CNTNAP2: variants seen among roughly 807,000 people sequenced by gnomAD.
CNTNAP2 encodes contactin-associated protein-like 2.
Under a neutral mutation model 155.2 loss-of-function variants are expected in CNTNAP2, and 98 were observed. The observed-to-expected ratio is 0.63, with a 90% confidence interval of 0.54 to 0.75. The LOEUF is 0.75. Among genes scored for constraint, CNTNAP2 ranks in the 30% least tolerant of loss-of-function variants. The probability of loss-of-function intolerance (pLI) is 0.00; values close to 1 mark genes in which losing one functional copy is unlikely to be tolerated. For synonymous variants in CNTNAP2, 651 were observed against 631.2 expected, an observed-to-expected ratio of 1.03 and a Z score of -0.47; for missense variants, 1,727 against 1,688.1, an observed-to-expected ratio of 1.02 and a Z score of -0.40.
intron 1 of CNTNAP2, among the ~76,000 whole-genome samples, chr7:146,182,273 A>C (rs952601445): frequency 6.6e-6 from 1 of 152,148 alleles, no homozygotes; most frequent in African/African-American, 2.4e-5. Flanking sequence ...TCTAGGTAGG[A>C]TACTTCACTA....
intron 3 of CNTNAP2, among the ~76,000 whole-genome samples, chr7:146,895,036 T>C (rs1795846890): frequency 6.6e-6 from 1 of 152,150 alleles, no homozygotes; most frequent in African/African-American, 2.4e-5. Context: ...TGGGATCCCA[T>C]CTACAGGGAC....
chr7:147,550,320 TG>T (rs1248410491), intron 11 of CNTNAP2, among the ~76,000 whole-genome samples: 2 of 152,178 alleles, frequency 1.3e-5, no homozygotes, highest in Non-Finnish European at 2.9e-5. Context: ...GATTGAATCA[TG>T]GGGTGGTTTC....
At chr7:146,494,286 A>G (rs1378689843) in intron 1 of CNTNAP2, among the ~76,000 whole-genome samples, 1 of 152,046 alleles carries the variant, frequency 6.6e-6, no homozygotes, top group Non-Finnish European at 1.5e-5. Flanking sequence ...GTGAGCAGAG[A>G]TCGCACCACT....
At chr7:147,860,151 G>T (rs1382498278) in intron 13 of CNTNAP2, among the ~76,000 whole-genome samples, 1 of 152,134 alleles carries the variant, frequency 6.6e-6, no homozygotes, top group African/African-American at 2.4e-5. Context: ...GAGACTGGGT[G>T]CAGTGGCTCA....
intron 8 of CNTNAP2, among the ~76,000 whole-genome samples, chr7:147,275,213 G>T (rs1325335809): frequency 6.6e-6 from 1 of 151,972 alleles, no homozygotes; most frequent in South Asian, 2.1e-4. Context: ...TTAGCAATTT[G>T]ATAGGAATTG....
At chr7:146,176,187 G>A (rs573183156) in intron 1 of CNTNAP2, among the ~76,000 whole-genome samples, 1 of 152,132 alleles carries the variant, frequency 6.6e-6, no homozygotes, top group East Asian at 1.9e-4. Flanking sequence ...TGCCCTGTAG[G>A]TATGGCATAT....
chr7:147,916,586 T>C (rs1047064221), intron 14 of CNTNAP2, among the ~76,000 whole-genome samples: 1 of 74,136 alleles, frequency 1.3e-5, no homozygotes, highest in South Asian at 4.8e-4. Context: ...AAGAGCTTTT[T>C]TTCTGAAAAA....
At chr7:147,558,562 G>A (rs1208083261) in intron 11 of CNTNAP2, among the ~76,000 whole-genome samples, 1 of 152,212 alleles carries the variant, frequency 6.6e-6, no homozygotes, top group African/African-American at 2.4e-5. Context: ...CACACATGCA[G>A]AATTTTGGAC....
chr7:146,679,666 T>C (rs1038441271), intron 1 of CNTNAP2, among the ~76,000 whole-genome samples: 1 of 152,122 alleles, frequency 6.6e-6, no homozygotes, highest in Admixed American at 6.5e-5. Flanking sequence ...ATCTTGTTTC[T>C]TTCTCTCCCT....
At chr7:146,188,304 C>A (rs542713292) in intron 1 of CNTNAP2, among the ~76,000 whole-genome samples, 4 of 152,092 alleles carry the variant, frequency 2.6e-5, no homozygotes, top group Admixed American at 6.6e-5. Flanking sequence ...ATTTTTGGAA[C>A]GTGAATTACC....
chr7:148,109,800 A>G (rs1674984726), intron 15 of CNTNAP2, among the ~76,000 whole-genome samples: 1 of 152,214 alleles, frequency 6.6e-6, no homozygotes, highest in African/African-American at 2.4e-5. Context: ...GCATTTATCT[A>G]AAGACATAAG....
chr7:147,068,996 G>C (rs10225201), intron 4 of CNTNAP2, among the ~76,000 whole-genome samples: 19,404 of 152,166 alleles, frequency 0.13, 1,496 homozygotes, highest in East Asian at 0.36. Context: ...ACTTTTACTC[G>C]TGGCAGAAGG....
intron 10 of CNTNAP2, among the ~76,000 whole-genome samples, chr7:147,408,792 A>C (rs754436011): frequency 9.9e-5 from 15 of 152,176 alleles, no homozygotes; most frequent in South Asian, 2.1e-4. Context: ...TTGCATTACT[A>C]GAAAGACTGT....
At chr7:146,667,952 G>A (rs1411305194) in intron 1 of CNTNAP2, among the ~76,000 whole-genome samples, 2 of 151,960 alleles carry the variant, frequency 1.3e-5, no homozygotes, top group African/African-American at 4.8e-5. Flanking sequence ...ATTTGAATGT[G>A]GATGCCCTTT....
chr7:147,111,605 C>T (rs563839106), intron 5 of CNTNAP2, among the ~76,000 whole-genome samples: 2 of 152,318 alleles, frequency 1.3e-5, no homozygotes, highest in African/African-American at 4.8e-5. Context: ...GTTCTTCCAG[C>T]ACCATTTATT....
chr7:147,154,274 A>C (rs1039185839), intron 8 of CNTNAP2, among the ~76,000 whole-genome samples: 1 of 152,156 alleles, frequency 6.6e-6, no homozygotes, highest in East Asian at 1.9e-4. Flanking sequence ...GAGTACAACC[A>C]TCTCATGTGA....
At chr7:146,928,619 G>A (rs1030865239) in intron 3 of CNTNAP2, among the ~76,000 whole-genome samples, 64 of 152,180 alleles carry the variant, frequency 4.2e-4, no homozygotes, top group African/African-American at 1.3e-3. Context: ...TGCACGAGCC[G>A]AAGCAGGGCG....
chr7:147,317,197 T>C (rs1795247830), intron 9 of CNTNAP2, among the ~76,000 whole-genome samples: 1 of 152,232 alleles, frequency 6.6e-6, no homozygotes, highest in Admixed American at 6.5e-5. Flanking sequence ...GCAGGACTGC[T>C]TAACAGTTCC....
In CNTNAP2 at chr7:147,120,991, T is replaced by G; in HGVS notation, c.767T>G (p.Leu256Arg). The change falls in exon 6 of 24, where the codon CTT becomes CGT. Residue 256 changes from leucine (L) to arginine (R), a missense_variant. Physicochemically the swap from Leu to Arg is moderately radical, Grantham distance 102. Transcript: ENST00000361727. ...TCTGTGTACGCAGGAAGCAACCAGC[T>G]TGGCCCCATATATGGCCACACATCA... ...VLSLNLGSNQLGPIYGHTSVM... is the reference protein window; with the variant it reads ...VLSLNLGSNQRGPIYGHTSVM... The G allele has an allele frequency of 6.2e-7, 1 of 1,613,696 alleles. No homozygotes were observed.
Sources: allele counts gnomAD v4.1 joint callset (sites outside exome capture counted in the v4.1 genomes callset), GRCh38; gene constraint gnomAD v4.1.1; transcripts MANE v1.5; gene names NCBI Gene and HGNC (gene_info 2026-07-23, HGNC 2026-07-21).